Variants in SYNDIG1L observed in about 807,000 individuals in gnomAD.
SYNDIG1L encodes synapse differentiation inducing 1 like, also known as synapse differentiation-inducing gene protein 1-like.
Under a neutral mutation model 20.1 loss-of-function variants are expected in SYNDIG1L, and 13 were observed. That is an observed-to-expected ratio of 0.65 (90% CI 0.42 to 1.03). SYNDIG1L has a LOEUF of 1.03. Among genes scored for constraint, SYNDIG1L ranks in the 50% least tolerant of loss-of-function variants. SYNDIG1L has a pLI of 0.00. For missense variants in SYNDIG1L, 294 were observed against 305.1 expected, an observed-to-expected ratio of 0.96 and a Z score of 0.27; for synonymous variants, 128 against 129.3, an observed-to-expected ratio of 0.99 and a Z score of 0.07.
the SYNDIG1L span, among the ~76,000 whole-genome samples, chr14:74,438,974 C>T: frequency 2.0e-5 from 3 of 152,078 alleles, no homozygotes; most frequent in Non-Finnish European, 4.4e-5. Flanking sequence ...ATTAGTCAGG[C>T]GTGGTGGCAC....
At chr14:74,471,899 T>C in the SYNDIG1L span, 3 of 152,224 alleles carry the variant, frequency 2.0e-5, no homozygotes, top group African/African-American at 7.2e-5. Context: ...ACTGAAGTCA[T>C]AGCGTTAACA....
At chr14:74,413,747 C>T (rs1348333876) in intron 1 of SYNDIG1L, among the ~76,000 whole-genome samples, 1 of 151,730 alleles carries the variant, frequency 6.6e-6, no homozygotes, top group Non-Finnish European at 1.5e-5. Context: ...CTGAGCACAG[C>T]ATTAAAGCCT....
upstream of SYNDIG1L, among the ~76,000 whole-genome samples, chr14:74,429,144 G>C (rs1375791012): frequency 6.6e-6 from 1 of 152,162 alleles, no homozygotes; most frequent in Non-Finnish European, 1.5e-5. Context: ...GCCCAGACTT[G>C]GGCCAGGAGA....
At chr14:74,455,616 C>T in the SYNDIG1L span, among the ~76,000 whole-genome samples, 4 of 152,168 alleles carry the variant, frequency 2.6e-5, no homozygotes, top group African/African-American at 7.2e-5. Flanking sequence ...GACGGGATTT[C>T]GCCATGCTGG....
chr14:74,451,432 C>G, the SYNDIG1L span, among the ~76,000 whole-genome samples: 1 of 152,290 alleles, frequency 6.6e-6, no homozygotes, highest in South Asian at 2.1e-4. Flanking sequence ...CAAAGTTGAT[C>G]ATGGAGCTAA....
At chr14:74,422,653 TCA>T (rs34711949) in intron 1 of SYNDIG1L, among the ~76,000 whole-genome samples, 3,999 of 140,344 alleles carry the variant, frequency 0.028, 73 homozygotes, top group Non-Finnish European at 0.041. Context: ...ATCTCTCTCT[TCA>T]CACACACACA....
chr14:74,434,859 A>C, the SYNDIG1L span, among the ~76,000 whole-genome samples: 1 of 151,022 alleles, frequency 6.6e-6, no homozygotes. Flanking sequence ...AGGCAGGTGG[A>C]TCATGAGGTC....
the SYNDIG1L span, among the ~76,000 whole-genome samples, chr14:74,446,262 A>C: frequency 1.3e-5 from 2 of 152,240 alleles, no homozygotes; most frequent in Admixed American, 1.3e-4. Flanking sequence ...TAAATATTCC[A>C]AGGTCCTTGT....
chr14:74,476,421 C>T, the SYNDIG1L span: 69 of 957,224 alleles, frequency 7.2e-5, no homozygotes, highest in African/African-American at 7.1e-4. Context: ...TTGTGGAGGA[C>T]GGCCTGCTAG....
the SYNDIG1L span, among the ~76,000 whole-genome samples, chr14:74,440,099 G>T: frequency 1.3e-5 from 2 of 151,998 alleles, no homozygotes; most frequent in African/African-American, 4.8e-5. Flanking sequence ...TGCATCTCGG[G>T]CTGGGCGCGG....
chr14:74,422,277 A>G (rs1481059457), intron 1 of SYNDIG1L, among the ~76,000 whole-genome samples: 1 of 152,102 alleles, frequency 6.6e-6, no homozygotes, highest in Non-Finnish European at 1.5e-5. Context: ...GCAGGAGGTA[A>G]GAGAAATGAG....
At chr14:74,458,870 C>T in the SYNDIG1L span, among the ~76,000 whole-genome samples, 1 of 152,100 alleles carries the variant, frequency 6.6e-6, no homozygotes, top group African/African-American at 2.4e-5. Flanking sequence ...GCTCTGTCTG[C>T]TGTCTCCACT....
At chr14:74,421,473 T>C (rs1215566775) in intron 1 of SYNDIG1L, among the ~76,000 whole-genome samples, 1 of 151,300 alleles carries the variant, frequency 6.6e-6, no homozygotes, top group Non-Finnish European at 1.5e-5. Flanking sequence ...AGGAGAAAAA[T>C]AACAATTAAA....
upstream of SYNDIG1L, among the ~76,000 whole-genome samples, chr14:74,430,766 AT>A (rs892654049): frequency 2.2e-3 from 292 of 130,166 alleles, 1 homozygote; most frequent in African/African-American, 5.9e-3. Context: ...GCACACTACA[AT>A]TTTTTTTTTT....
chr14:74,417,284 G>GATAA (rs1165830125), intron 1 of SYNDIG1L, among the ~76,000 whole-genome samples: 1 of 152,240 alleles, frequency 6.6e-6, no homozygotes, highest in Admixed American at 6.5e-5. Context: ...CAGCTGGCCT[G>GATAA]AACAGGACCA....
At chr14:74,432,236 T>A in the SYNDIG1L span, among the ~76,000 whole-genome samples, 1 of 149,880 alleles carries the variant, frequency 6.7e-6, no homozygotes, top group African/African-American at 2.4e-5. Flanking sequence ...GAGGCCACAC[T>A]ACTTGCAGTT....
At chr14:74,460,943 C>G in the SYNDIG1L span, among the ~76,000 whole-genome samples, 1 of 152,098 alleles carries the variant, frequency 6.6e-6, no homozygotes, top group East Asian at 1.9e-4. Context: ...AGCAACTGTG[C>G]CTGGCTTCTT....
the SYNDIG1L span, among the ~76,000 whole-genome samples, chr14:74,453,315 T>A: frequency 8.2e-6 from 1 of 121,444 alleles, no homozygotes; most frequent in African/African-American, 3.3e-5. Context: ...ATCACACCAT[T>A]GCACTCCAGC....
chr14:74,417,327 T>C (rs2086184920), intron 1 of SYNDIG1L, among the ~76,000 whole-genome samples: 1 of 152,146 alleles, frequency 6.6e-6, no homozygotes, highest in Admixed American at 6.5e-5. Flanking sequence ...GGCTGACACC[T>C]TGAGGAGGGT....
Sources: allele counts gnomAD v4.1 joint callset (sites outside exome capture counted in the v4.1 genomes callset), GRCh38; gene constraint gnomAD v4.1.1; transcripts MANE v1.5; gene names NCBI Gene and HGNC (gene_info 2026-07-23, HGNC 2026-07-21).